GPC5: variants seen among roughly 807,000 people sequenced by gnomAD.
GPC5 encodes the protein glypican 5.
GPC5 carries 47 observed loss-of-function variants against 53.9 expected under a neutral mutation model. The ratio of observed to expected loss-of-function variants is 0.87; its 90% confidence interval spans 0.69 to 1.11. The LOEUF is 1.11. GPC5 is among the 50% of genes most tolerant of loss of function. The pLI is 0.00. For synonymous variants in GPC5, 286 were observed against 263.3 expected (o/e 1.09, Z -0.84); for missense variants, 748 against 713.1 (o/e 1.05, Z -0.56).
At chr13:91,582,945 G>T (rs2032421778) in intron 2 of GPC5, among the ~76,000 whole-genome samples, 1 of 152,058 alleles carries the variant, frequency 6.6e-6, no homozygotes, top group African/African-American at 2.4e-5. Flanking sequence ...AGGTTGTAGT[G>T]AGCCGAGATC....
intron 2 of GPC5, among the ~76,000 whole-genome samples, chr13:91,579,913 T>C (rs2032293774): frequency 6.6e-6 from 1 of 151,824 alleles, no homozygotes; most frequent in South Asian, 2.1e-4. Flanking sequence ...TCCTGGTAAT[T>C]TGATTGCTAT....
intron 7 of GPC5, among the ~76,000 whole-genome samples, chr13:92,347,924 T>TATAATATATATTATATATATAATA (rs1491168569): frequency 2.2e-3 from 8 of 3,686 alleles, no homozygotes; most frequent in Non-Finnish European, 3.6e-3. Flanking sequence ...TATATATATA[T>TATAATATATATTATATATATAATA]TATATATACA....
intron 2 of GPC5, among the ~76,000 whole-genome samples, chr13:91,623,518 G>A (rs566271455): frequency 1.3e-5 from 2 of 152,244 alleles, no homozygotes; most frequent in South Asian, 2.1e-4. Context: ...TCCATGGGAA[G>A]CAATGGTTTG....
At position 91,481,952 on chromosome 13, in the gene GPC5, G is replaced by A. The variant is rs116614472; in HGVS notation, c.325+33030G>A. 9.1e-3 allele frequency among the ~76,000 whole-genome samples: 1,379 copies of A among 152,162 alleles called. 21 individuals carry two copies. Among genetic ancestry groups the A allele is most frequent in the African/African-American group, 0.031 (1,295 of 41,514 alleles). ...ATCTGGGTCCACTAGACACTCTTTC[G>A]CATTACACCTGATTCAAATTTGACA... On this transcript the variant is annotated intron_variant, in intron 2 of 7. Transcript: ENST00000377067.
At chr13:91,788,507 G>A (rs2037913146) in intron 5 of GPC5, among the ~76,000 whole-genome samples, 2 of 152,168 alleles carry the variant, frequency 1.3e-5, no homozygotes, top group South Asian at 4.1e-4. Flanking sequence ...TAGCTAATTT[G>A]GATCAATTCA....
At chr13:92,056,626 C>G (rs1276185989) in intron 6 of GPC5, among the ~76,000 whole-genome samples, 1 of 152,116 alleles carries the variant, frequency 6.6e-6, no homozygotes, top group Non-Finnish European at 1.5e-5. Flanking sequence ...GTAACTACAT[C>G]ACACTAACAT....
chr13:92,723,996 T>G (rs1429588085), intron 7 of GPC5, among the ~76,000 whole-genome samples: 1 of 151,646 alleles, frequency 6.6e-6, no homozygotes, highest in Non-Finnish European at 1.5e-5. Context: ...TAAGAAAATA[T>G]AAGTTTAAAA....
chr13:91,882,183 T>C (rs1344354898), intron 5 of GPC5, among the ~76,000 whole-genome samples: 3 of 152,190 alleles, frequency 2.0e-5, no homozygotes, highest in Non-Finnish European at 2.9e-5. Flanking sequence ...ATTTCTAATG[T>C]AATTGAATTT....
At chr13:92,542,093 T>C (rs1881949123) in intron 7 of GPC5, among the ~76,000 whole-genome samples, 1 of 152,062 alleles carries the variant, frequency 6.6e-6, no homozygotes, top group South Asian at 2.1e-4. Context: ...GAATAAAGCA[T>C]AATGTATCAA....
intron 7 of GPC5, among the ~76,000 whole-genome samples, chr13:92,611,522 A>G (rs1884435620): frequency 6.6e-6 from 1 of 152,184 alleles, no homozygotes; most frequent in African/African-American, 2.4e-5. Flanking sequence ...ATGAAAATTC[A>G]CCTTCAAAAA....
chr13:92,841,169 T>G (rs1878415721), intron 7 of GPC5, among the ~76,000 whole-genome samples: 1 of 152,174 alleles, frequency 6.6e-6, no homozygotes, highest in African/African-American at 2.4e-5. Context: ...CCATTTGGTT[T>G]GTGTGCTTCA....
chr13:92,095,394 C>G (rs1314904563), intron 6 of GPC5, among the ~76,000 whole-genome samples: 2 of 152,114 alleles, frequency 1.3e-5, no homozygotes, highest in Non-Finnish European at 2.9e-5. Context: ...GTCATCCAGG[C>G]TGGAGTGTAG....
intron 7 of GPC5, among the ~76,000 whole-genome samples, chr13:92,419,152 T>C (rs1209315675): frequency 6.6e-6 from 1 of 152,162 alleles, no homozygotes; most frequent in Non-Finnish European, 1.5e-5. Context: ...TAAAAATCAA[T>C]AAGACTGCCA....
At chr13:91,628,909 A>G (rs1049332157) in intron 2 of GPC5, among the ~76,000 whole-genome samples, 8 of 152,142 alleles carry the variant, frequency 5.3e-5, no homozygotes, top group Admixed American at 4.6e-4. Flanking sequence ...GACACAGTTT[A>G]AGTAGCAGTG....
chr13:92,422,693 C>A (rs1876633357), intron 7 of GPC5, among the ~76,000 whole-genome samples: 2 of 152,118 alleles, frequency 1.3e-5, no homozygotes, highest in African/African-American at 4.8e-5. Context: ...TTTCAGTGAA[C>A]CCTCCAGAAA....
At chr13:92,821,884 CA>C (rs1877686161) in intron 7 of GPC5, among the ~76,000 whole-genome samples, 1 of 151,878 alleles carries the variant, frequency 6.6e-6, no homozygotes, top group African/African-American at 2.4e-5. Context: ...TATTGTAAGC[CA>C]GAGATTTTGT....
chr13:92,153,407 G>A (rs2041921122), intron 7 of GPC5, among the ~76,000 whole-genome samples: 1 of 152,020 alleles, frequency 6.6e-6, no homozygotes, highest in Admixed American at 6.6e-5. Flanking sequence ...CAAAGTGCTG[G>A]GATTACAAGC....
At chr13:91,990,663 A>G (rs1053425263) in intron 6 of GPC5, among the ~76,000 whole-genome samples, 6 of 152,196 alleles carry the variant, frequency 3.9e-5, no homozygotes, top group African/African-American at 1.2e-4. Context: ...AGTGCCGATG[A>G]GTTGGTGCTG....
intron 1 of GPC5, among the ~76,000 whole-genome samples, chr13:91,439,355 C>A (rs1880248863): frequency 6.6e-6 from 1 of 152,190 alleles, no homozygotes; most frequent in Non-Finnish European, 1.5e-5. Flanking sequence ...AATTATCTAG[C>A]CCCAAGTATA....
Sources: allele counts gnomAD v4.1 joint callset (sites outside exome capture counted in the v4.1 genomes callset), GRCh38; gene constraint gnomAD v4.1.1; transcripts MANE v1.5; gene names NCBI Gene and HGNC (gene_info 2026-07-23, HGNC 2026-07-21).